The following TBCK variants were observed in gnomAD, a reference collection of about 807,000 sequenced individuals.
TBCK encodes TBC domain-containing protein kinase-like protein.
Under a neutral mutation model 113.4 loss-of-function variants are expected in TBCK, and 99 were observed. The observed-to-expected ratio is 0.87, with a 90% CI of 0.74 to 1.03. TBCK has a LOEUF of 1.03. Among genes scored for constraint, TBCK ranks in the 50% least tolerant of loss-of-function variants. The pLI, the probability that TBCK is intolerant of heterozygous loss-of-function variation, is 0.00. For missense variants in TBCK, 1,045 were observed against 1,061.3 expected (o/e 0.98, Z 0.21); for synonymous variants, 369 against 370.8 (o/e 1.00, Z 0.05).
intron 1 of TBCK, among the ~76,000 whole-genome samples, chr4:106,311,660 T>C (rs969254073): frequency 1.3e-5 from 2 of 152,104 alleles, no homozygotes; most frequent in Non-Finnish European, 2.9e-5. Flanking sequence ...ATAGCCTAGT[T>C]TTTAGCTGGT....
chr4:106,082,766 C>A (rs911586049), intron 25 of TBCK, among the ~76,000 whole-genome samples: 2 of 152,020 alleles, frequency 1.3e-5, no homozygotes, highest in East Asian at 1.9e-4. Context: ...ACCAAGGTAT[C>A]CAGGTTCTCT....
intron 23 of TBCK, among the ~76,000 whole-genome samples, chr4:106,124,975 C>T (rs1427898111): frequency 7.0e-6 from 1 of 142,680 alleles, no homozygotes; most frequent in Non-Finnish European, 1.5e-5. Flanking sequence ...ACAATGTGCA[C>T]ATGTACCCTA....
Position 106,116,273 on chromosome 4 carries a change from T to C in TBCK, c.2341A>G (p.Lys781Glu). ...GACTTTGTTTTCTTGCTGGGTGTTT[T>C]GAAGTGGCCTGTCACTGTGAGCTCA... ...LCELTVTGHF[K>E]TPSKKTKSSK... Residue 781 changes from lysine to glutamate, a missense_variant, in exon 24 of 26, where the codon AAA becomes GAA. Coordinates refer to ENST00000394708, the MANE Select transcript of TBCK (RefSeq NM_001163435.3). The C allele has an allele frequency of 6.2e-7, 1 of 1,614,106 alleles. No homozygotes were observed. The highest frequency in any genetic ancestry group is 1.1e-5 in the South Asian group (1 of 91,066).
chr4:106,285,847 AC>A (rs1765058672), intron 3 of TBCK, among the ~76,000 whole-genome samples: 1 of 152,182 alleles, frequency 6.6e-6, no homozygotes, highest in Non-Finnish European at 1.5e-5. Flanking sequence ...TAATTTATAA[AC>A]CTTAAGAACA....
rs146717047 is a variant in TBCK at position 106,057,076 on chromosome 4, G to C, written c.2572-10396C>G. Among the ~76,000 whole-genome samples the C allele has an allele frequency of 2.6e-4, 40 of 151,794 alleles. No individual in the cohort carries two copies. The East Asian group carries it at 7.6e-3, about 29-fold the overall frequency. ...CCTTGAATCACATAGTAACAGCAGG[G>C]GATTATTTCCCCAGTCTCATTTTGA... On this transcript the variant is annotated intron_variant, in intron 25 of 25. Coordinates refer to ENST00000394708, the MANE Select transcript of TBCK (RefSeq NM_001163435.3).
chr4:106,130,536 G>GA (rs1415391528), intron 23 of TBCK, among the ~76,000 whole-genome samples: 5 of 150,108 alleles, frequency 3.3e-5, no homozygotes, highest in African/African-American at 1.2e-4. Context: ...ATTATCAAGG[G>GA]AAAAAAGACC....
chr4:106,175,081 C>T (rs1751495038), intron 22 of TBCK, among the ~76,000 whole-genome samples: 1 of 150,458 alleles, frequency 6.6e-6, no homozygotes. Context: ...GAGCAGTGAT[C>T]ACGCCTGTAT....
chr4:106,249,820 T>C (rs1480898779), intron 7 of TBCK, among the ~76,000 whole-genome samples: 1 of 152,158 alleles, frequency 6.6e-6, no homozygotes, highest in African/African-American at 2.4e-5. Context: ...CATATTCTTA[T>C]TTGTAAATGT....
chr4:106,111,377 C>T (rs1180151105), intron 24 of TBCK, among the ~76,000 whole-genome samples: 3 of 152,212 alleles, frequency 2.0e-5, no homozygotes, highest in African/African-American at 7.2e-5. Context: ...TTCCTCGAGA[C>T]TGGCCTATAA....
intron 23 of TBCK, among the ~76,000 whole-genome samples, chr4:106,133,879 G>A (rs1379414501): frequency 6.6e-6 from 1 of 152,082 alleles, no homozygotes; most frequent in East Asian, 1.9e-4. Flanking sequence ...GCATGGTGGT[G>A]GGTGCCTGTA....
intron 25 of TBCK, among the ~76,000 whole-genome samples, chr4:106,085,047 A>C (rs1307555165): frequency 1.3e-5 from 2 of 152,248 alleles, no homozygotes; most frequent in Non-Finnish European, 2.9e-5. Context: ...ACTAGTATGC[A>C]AATTAACCAA....
At chr4:106,159,310 G>C (rs145991722) in intron 23 of TBCK, among the ~76,000 whole-genome samples, 118 of 152,104 alleles carry the variant, frequency 7.8e-4, no homozygotes, top group African/African-American at 2.7e-3. Flanking sequence ...GCAAGAAAAA[G>C]AAAAGCCATC....
intron 23 of TBCK, among the ~76,000 whole-genome samples, chr4:106,165,656 T>A (rs1390823075): frequency 6.6e-6 from 1 of 151,932 alleles, no homozygotes; most frequent in East Asian, 1.9e-4. Context: ...ACTAAACTTG[T>A]AATAATGATT....
intron 1 of TBCK, among the ~76,000 whole-genome samples, chr4:106,315,080 C>CA (rs1768644287): frequency 6.6e-6 from 1 of 151,912 alleles, no homozygotes; most frequent in African/African-American, 2.4e-5. Flanking sequence ...GGCTCACACA[C>CA]AAAAATACAC....
intron 22 of TBCK, among the ~76,000 whole-genome samples, chr4:106,179,047 T>G (rs1381763207): frequency 6.6e-6 from 1 of 152,064 alleles, no homozygotes; most frequent in Non-Finnish European, 1.5e-5. Flanking sequence ...TAGTCTCTAA[T>G]GATCCTTTGT....
chr4:106,117,330 G>T (rs80282538), intron 23 of TBCK, among the ~76,000 whole-genome samples: 5,522 of 152,214 alleles, frequency 0.036, 399 homozygotes, highest in East Asian at 0.28. Context: ...AGTAATTAAA[G>T]AAACTGGTTC....
chr4:106,152,455 T>C lies in TBCK; in HGVS notation c.2235+18640A>G, dbSNP rs533586573. 6.6e-5 allele frequency among the ~76,000 whole-genome samples: 10 copies of C among 152,224 alleles called. No homozygotes were observed. The South Asian group carries it at 2.1e-3, about 32-fold the overall frequency. ...AATCCCACTTGGTCATGATGAATGATCTTTTCAATGTGTTGTTAAATTTGG... is the reference window on the plus strand; with the variant it reads ...AATCCCACTTGGTCATGATGAATGACCTTTTCAATGTGTTGTTAAATTTGG... On this transcript the variant is annotated intron_variant, in intron 23 of 25. Transcript: ENST00000394708.
At chr4:106,208,034 A>G (rs760787436) in intron 20 of TBCK, among the ~76,000 whole-genome samples, 20 of 152,158 alleles carry the variant, frequency 1.3e-4, no homozygotes, top group Non-Finnish European at 2.5e-4. Context: ...GCTAGTGGCA[A>G]TGAGTGGTTG....
chr4:106,168,494 C>T (rs1006754041), intron 23 of TBCK, among the ~76,000 whole-genome samples: 1 of 151,662 alleles, frequency 6.6e-6, no homozygotes, highest in Non-Finnish European at 1.5e-5. Context: ...GTATCTAATG[C>T]AATAACACAA....
Sources: allele counts gnomAD v4.1 joint callset (sites outside exome capture counted in the v4.1 genomes callset), GRCh38; gene constraint gnomAD v4.1.1; transcripts MANE v1.5; gene names NCBI Gene and HGNC (gene_info 2026-07-23, HGNC 2026-07-21).